The following ATRNL1 variants were observed in gnomAD, a reference collection of about 807,000 sequenced individuals.
ATRNL1 encodes attractin-like protein 1.
ATRNL1 carries 95 observed loss-of-function variants against 182.7 expected under a neutral mutation model. That is an observed-to-expected ratio of 0.52 (90% CI 0.44 to 0.62). The LOEUF (loss-of-function observed/expected upper bound fraction) is 0.62, where lower values mean the gene tolerates loss of function less well. Ranked by LOEUF, ATRNL1 falls within the 20% of genes least tolerant of loss-of-function variation. ATRNL1 has a pLI of 0.00. For synonymous variants in ATRNL1, 576 were observed against 568.3 expected, an observed-to-expected ratio of 1.01 and a Z score of -0.19; for missense variants, 1,471 against 1,679.5, an observed-to-expected ratio of 0.88 and a Z score of 2.17.
intron 26 of ATRNL1, among the ~76,000 whole-genome samples, chr10:115,650,688 T>C (rs12261191): frequency 0.012 from 1,775 of 152,230 alleles, 35 homozygotes; most frequent in African/African-American, 0.04. Context: ...TCTATCACTT[T>C]GCTTTCTTTT....
intron 25 of ATRNL1, among the ~76,000 whole-genome samples, chr10:115,546,427 G>A (rs917940040): frequency 3.3e-5 from 5 of 151,812 alleles, no homozygotes; most frequent in South Asian, 2.1e-4. Flanking sequence ...TTAAGTGGGC[G>A]TGGTGGCGCA....
rs901041840 is a variant in ATRNL1 at position 115,094,057 on chromosome 10, C to T, written c.293+14C>T. On this transcript the variant is annotated intron_variant, in intron 1 of 28. Transcript: ENST00000355044. ...GGGCAGGTTCAAGTAAGTGCCTTCGCCGGACCCCGAACCTCCAGCCCTGCC... is the reference window on the plus strand; with the variant it reads ...GGGCAGGTTCAAGTAAGTGCCTTCGTCGGACCCCGAACCTCCAGCCCTGCC... The T allele has an allele frequency of 4.1e-6, 6 of 1,450,520 alleles. No homozygotes were observed. The highest frequency in any genetic ancestry group is 5.5e-6 in the Non-Finnish European group (6 of 1,095,288). 89.9% of individuals were successfully genotyped at this position (1,450,520 alleles called of 1,614,324 possible). A position where few individuals can be genotyped will look rare whatever the true frequency, so the allele number is the denominator to read the frequency against.
intron 18 of ATRNL1, among the ~76,000 whole-genome samples, chr10:115,330,939 A>T (rs979219740): frequency 6.6e-6 from 1 of 151,886 alleles, no homozygotes; most frequent in African/African-American, 2.4e-5. Flanking sequence ...ACACTGTTTC[A>T]TAGAACCTCT....
At chr10:115,409,749 A>C (rs144202502) in intron 20 of ATRNL1, among the ~76,000 whole-genome samples, 1,620 of 152,290 alleles carry the variant, frequency 0.011, 21 homozygotes, top group Non-Finnish European at 0.013. Flanking sequence ...AGGATACAAC[A>C]ACAAAAAGAA....
At chr10:115,230,870 T>TAA (rs1491454857) in intron 9 of ATRNL1, among the ~76,000 whole-genome samples, 1 of 83,718 alleles carries the variant, frequency 1.2e-5, no homozygotes, top group Non-Finnish European at 2.2e-5. Context: ...ATAGAGTGGA[T>TAA]GAGAGAGAGA....
intron 24 of ATRNL1, among the ~76,000 whole-genome samples, chr10:115,512,570 A>G (rs989297517): frequency 1.3e-5 from 2 of 151,462 alleles, no homozygotes; most frequent in Non-Finnish European, 3.0e-5. Flanking sequence ...TTATTTATTC[A>G]GTAGTTTTAT....
intron 8 of ATRNL1, among the ~76,000 whole-genome samples, chr10:115,177,744 G>C (rs904374699): frequency 4.6e-5 from 7 of 151,478 alleles, no homozygotes; most frequent in African/African-American, 1.7e-4. Flanking sequence ...CAAAGTTCTG[G>C]GATTACAAAG....
chr10:115,255,592 A>T (rs185566125), intron 10 of ATRNL1, among the ~76,000 whole-genome samples: 1,786 of 152,272 alleles, frequency 0.012, 34 homozygotes, highest in African/African-American at 0.04. Flanking sequence ...AACAGGGACA[A>T]TTTGACTTCC....
intron 8 of ATRNL1, among the ~76,000 whole-genome samples, chr10:115,191,750 C>T (rs544039865): frequency 1.3e-5 from 2 of 152,168 alleles, no homozygotes; most frequent in African/African-American, 4.8e-5. Context: ...CTTCCTTCCC[C>T]TTCCCCTTCC....
chr10:115,445,805 T>C (rs1846955340), intron 21 of ATRNL1, among the ~76,000 whole-genome samples: 2 of 1,308 alleles, frequency 1.5e-3, no homozygotes, highest in Non-Finnish European at 2.8e-3. Context: ...ACCATTTATC[T>C]TCTTTTTGTC....
intron 27 of ATRNL1, among the ~76,000 whole-genome samples, chr10:115,753,810 TA>T (rs1319951674): frequency 2.0e-5 from 3 of 152,224 alleles, no homozygotes; most frequent in African/African-American, 7.2e-5. Flanking sequence ...AAAGCTTTCC[TA>T]TTTCTTCACA....
chr10:115,617,225 C>A (rs1256405464), intron 26 of ATRNL1, among the ~76,000 whole-genome samples: 2 of 152,232 alleles, frequency 1.3e-5, no homozygotes, highest in South Asian at 2.1e-4. Context: ...CATTTAATGA[C>A]TGCCCTACTT....
At chr10:115,323,212 T>A (rs1365409121) in intron 18 of ATRNL1, among the ~76,000 whole-genome samples, 4 of 152,180 alleles carry the variant, frequency 2.6e-5, no homozygotes, top group African/African-American at 9.7e-5. Flanking sequence ...GATTATATAA[T>A]CTGTCAGTCT....
chr10:115,437,562 C>T (rs1846459990), intron 21 of ATRNL1, among the ~76,000 whole-genome samples: 1 of 151,876 alleles, frequency 6.6e-6, no homozygotes, highest in Non-Finnish European at 1.5e-5. Context: ...AAACAATTGT[C>T]TAAGTTTGCA....
chr10:115,487,701 C>T (rs1176998682), intron 24 of ATRNL1, among the ~76,000 whole-genome samples: 1 of 152,072 alleles, frequency 6.6e-6, no homozygotes, highest in African/African-American at 2.4e-5. Context: ...TTCCTCTTTT[C>T]CTATTTGAAT....
At chr10:115,105,141 A>G (rs1843948140) in intron 1 of ATRNL1, among the ~76,000 whole-genome samples, 1 of 151,990 alleles carries the variant, frequency 6.6e-6, no homozygotes, top group African/African-American at 2.4e-5. Flanking sequence ...ATTGGTTTGG[A>G]TAGTATGGAC....
intron 20 of ATRNL1, among the ~76,000 whole-genome samples, chr10:115,410,434 G>T (rs1315934107): frequency 6.6e-6 from 1 of 151,508 alleles, no homozygotes; most frequent in Non-Finnish European, 1.5e-5. Flanking sequence ...TGATTCTCCT[G>T]CCTCAGCCTC....
chr10:115,419,142 ATGAG>A (rs1230915075), intron 20 of ATRNL1, among the ~76,000 whole-genome samples: 4 of 152,172 alleles, frequency 2.6e-5, no homozygotes, highest in Admixed American at 1.3e-4. Flanking sequence ...TGGAAGGATA[ATGAG>A]TTAAAATGTA....
intron 7 of ATRNL1, among the ~76,000 whole-genome samples, chr10:115,166,898 GTTTAA>G (rs1471993701): frequency 2.0e-5 from 3 of 151,604 alleles, no homozygotes; most frequent in South Asian, 2.1e-4. Flanking sequence ...TTTAATTTTA[GTTTAA>G]TTTAATTTTA....
Sources: gnomAD v4.1 joint callset for allele counts (sites outside exome capture counted in the v4.1 genomes callset) on GRCh38, gnomAD v4.1.1 for gene constraint, MANE v1.5 for transcripts, NCBI Gene and HGNC (gene_info 2026-07-23, HGNC 2026-07-21) for gene names.